Variants in THEMIS observed in about 807,000 individuals in gnomAD.
The protein encoded by THEMIS is protein THEMIS.
THEMIS carries 37 observed loss-of-function variants against 52.6 expected under a neutral mutation model. The observed-to-expected ratio is 0.70, with a 90% confidence interval of 0.54 to 0.93. The LOEUF (loss-of-function observed/expected upper bound fraction) is 0.93, where lower values mean the gene tolerates loss of function less well. Ranked by LOEUF, THEMIS falls within the 40% of genes least tolerant of loss-of-function variation. The pLI is 0.00. For synonymous variants in THEMIS, 292 were observed against 272.7 expected (o/e 1.07, Z -0.70); for missense variants, 808 against 763.1 (o/e 1.06, Z -0.69).
chr6:127,823,541 T>C (rs1187993439), intron 3 of THEMIS, among the ~76,000 whole-genome samples: 3 of 152,190 alleles, frequency 2.0e-5, no homozygotes, highest in Admixed American at 2.0e-4. Flanking sequence ...ATTTATTGAA[T>C]GCTTATGGAA....
At chr6:127,899,903 T>C (rs1562329551) in intron 1 of THEMIS, among the ~76,000 whole-genome samples, 1 of 144,540 alleles carries the variant, frequency 6.9e-6, no homozygotes, top group Admixed American at 7.0e-5. Flanking sequence ...TGTGTATATT[T>C]TATATATATA....
At chr6:127,826,615 A>G (rs187691042) in intron 3 of THEMIS, among the ~76,000 whole-genome samples, 6 of 152,280 alleles carry the variant, frequency 3.9e-5, no homozygotes, top group East Asian at 1.9e-4. Context: ...ACATGACACT[A>G]TTTTAAAAGT....
intron 2 of THEMIS, among the ~76,000 whole-genome samples, chr6:127,847,442 G>C (rs1779257528): frequency 6.6e-6 from 1 of 151,924 alleles, no homozygotes; most frequent in South Asian, 2.1e-4. Context: ...AAAGTCTCAG[G>C]TTACAAAATC....
At chr6:127,729,627 A>G (rs1219667256) in intron 4 of THEMIS, among the ~76,000 whole-genome samples, 3 of 152,044 alleles carry the variant, frequency 2.0e-5, no homozygotes, top group Non-Finnish European at 2.9e-5. Context: ...CACTCTTCCC[A>G]TGACATACTT....
intron 1 of THEMIS, among the ~76,000 whole-genome samples, chr6:127,872,659 A>G (rs1780193500): frequency 6.6e-6 from 1 of 152,142 alleles, no homozygotes; most frequent in Admixed American, 6.6e-5. Flanking sequence ...CAAAACAAAA[A>G]CAAAAACTTT....
At chr6:127,719,343 T>C (rs1774281931) in intron 5 of THEMIS, among the ~76,000 whole-genome samples, 1 of 151,996 alleles carries the variant, frequency 6.6e-6, no homozygotes, top group African/African-American at 2.4e-5. Flanking sequence ...ATCTCAATTA[T>C]TTTAACCTCT....
At chr6:127,821,426 C>T (rs1293692838) in intron 3 of THEMIS, among the ~76,000 whole-genome samples, 4 of 152,026 alleles carry the variant, frequency 2.6e-5, no homozygotes, top group South Asian at 2.1e-4. Context: ...AAAGTAAAAA[C>T]ATTATGTACT....
the THEMIS span, among the ~76,000 whole-genome samples, chr6:127,697,686 C>T: frequency 6.6e-6 from 1 of 152,070 alleles, no homozygotes; most frequent in East Asian, 1.9e-4. Flanking sequence ...AATCTCAATG[C>T]CTTGGTATTC....
chr6:127,884,053 C>CA (rs1409398137), intron 1 of THEMIS, among the ~76,000 whole-genome samples: 3 of 152,162 alleles, frequency 2.0e-5, no homozygotes, highest in Non-Finnish European at 2.9e-5. Context: ...AATCACCTGA[C>CA]AAAACCAAAC....
chr6:127,884,407 T>A (rs1034450310), intron 1 of THEMIS, among the ~76,000 whole-genome samples: 1 of 152,150 alleles, frequency 6.6e-6, no homozygotes, highest in Non-Finnish European at 1.5e-5. Flanking sequence ...GAATGTCCTA[T>A]AAAGGCCTCA....
At chr6:127,815,578 T>A (rs1003194324) in intron 3 of THEMIS, among the ~76,000 whole-genome samples, 3 of 152,156 alleles carry the variant, frequency 2.0e-5, no homozygotes, top group African/African-American at 7.2e-5. Context: ...TTGTAAAGAT[T>A]TTTAATTTTT....
At position 127,857,330 on chromosome 6, in the gene THEMIS, G is replaced by T. The variant is rs79329294; in HGVS notation, c.92-2142C>A. On this transcript the variant is annotated intron_variant, in intron 1 of 5. Transcript: ENST00000368248. ...GATGACTGCAGATTTGAGTTTTAAA[G>T]GAAGAGTCACAGGACACCAGGACAG... Among the ~76,000 whole-genome samples the T allele has an allele frequency of 7.8e-4, 118 of 152,082 alleles. No individual in the cohort carries two copies. The East Asian group carries it at 0.018, about 23-fold the overall frequency.
intron 1 of THEMIS, among the ~76,000 whole-genome samples, chr6:127,908,762 T>C (rs964837885): frequency 1.3e-5 from 2 of 152,152 alleles, no homozygotes; most frequent in Non-Finnish European, 2.9e-5. Context: ...CTGCAATATG[T>C]CTGTAGAAAG....
At chr6:127,904,899 A>G (rs1781229728), upstream of THEMIS, among the ~76,000 whole-genome samples, 1 of 152,028 alleles carries the variant, frequency 6.6e-6, no homozygotes, top group African/African-American at 2.4e-5. Flanking sequence ...GTAAGAGAGG[A>G]TTGTTGAACT....
intron 1 of THEMIS, among the ~76,000 whole-genome samples, chr6:127,870,756 A>G (rs1267009108): frequency 5.3e-5 from 8 of 152,198 alleles, no homozygotes; most frequent in African/African-American, 1.7e-4. Context: ...ACATTACATA[A>G]TGATAAAAGT....
At chr6:127,736,068 C>A (rs1010692539) in intron 4 of THEMIS, among the ~76,000 whole-genome samples, 3 of 152,174 alleles carry the variant, frequency 2.0e-5, no homozygotes, top group African/African-American at 7.2e-5. Flanking sequence ...GGATTTTGTG[C>A]TTGGTGAATT....
At chr6:127,772,561 T>C (rs1323512043) in intron 4 of THEMIS, among the ~76,000 whole-genome samples, 3 of 152,128 alleles carry the variant, frequency 2.0e-5, no homozygotes, top group Admixed American at 1.3e-4. Context: ...TGCTTAAAAA[T>C]CAAGGTCTTG....
chr6:127,908,427 C>T (rs1196857203), intron 1 of THEMIS, among the ~76,000 whole-genome samples: 1 of 152,116 alleles, frequency 6.6e-6, no homozygotes, highest in Non-Finnish European at 1.5e-5. Flanking sequence ...GATGAGCCTG[C>T]TCACCATGAG....
intron 3 of THEMIS, among the ~76,000 whole-genome samples, chr6:127,827,822 T>C (rs571044558): frequency 1.3e-5 from 2 of 152,302 alleles, no homozygotes; most frequent in South Asian, 4.1e-4. Flanking sequence ...CTCTCCTCTG[T>C]TCTTCTCTCC....
Sources: gnomAD v4.1 joint callset for allele counts (sites outside exome capture counted in the v4.1 genomes callset) on GRCh38, gnomAD v4.1.1 for gene constraint, MANE v1.5 for transcripts, NCBI Gene and HGNC (gene_info 2026-07-23, HGNC 2026-07-21) for gene names.